The following EP400 variants were observed in gnomAD, a reference collection of about 807,000 sequenced individuals.
EP400 encodes E1A binding protein p400.
In EP400, 105 loss-of-function variants were observed where a neutral mutation model predicts 354.1. The ratio of observed to expected loss-of-function variants is 0.30; its 90% CI spans 0.25 to 0.35. The LOEUF (loss-of-function observed/expected upper bound fraction) is 0.35. Among genes scored for constraint, EP400 ranks in the 10% least tolerant of loss-of-function variants. The pLI is 1.00. For missense variants in EP400, 3,280 were observed against 4,121.0 expected (o/e 0.80, Z 5.59); for synonymous variants, 1,646 against 1,716.9 (o/e 0.96, Z 1.02).
At chr12:132,073,245 T>TATC (rs1896117784) in intron 51 of EP400, among the ~76,000 whole-genome samples, 1 of 109,870 alleles carries the variant, frequency 9.1e-6, no homozygotes. Context: ...TTTTTTTTTT[T>TATC]ATCAATTCTC....
At chr12:132,069,792 A>G in intron 51 of EP400, 151 bp downstream of exon 51, 2 of 1,225,336 alleles carry the variant, frequency 1.6e-6, no homozygotes, top group Non-Finnish European at 2.2e-6. Context: ...CTCAGGTTTC[A>G]ACCCCTCTGG....
At position 132,077,545 on chromosome 12, in the gene EP400, C is replaced by T. The variant is rs1441522216; in HGVS notation, c.9244C>T (p.Gln3082Ter). 1 of 1,613,902 alleles carries T rather than the reference C, an allele frequency of 6.2e-7. No homozygotes were observed. The highest frequency in any genetic ancestry group is 1.1e-5 in the South Asian group (1 of 91,086). The change falls in exon 53 of 53, where the codon CAG becomes TAG. Residue 3082 changes from glutamine to a stop codon, truncating the protein, a stop_gained. Coordinates refer to ENST00000389561, the MANE Select transcript of EP400 (RefSeq NM_015409.5). LOFTEE classifies it high-confidence loss of function. ...QVVTTASAPLQTPGAPNPAQV... is the reference protein window; with the variant it reads ...QVVTTASAPL Reference sequence around the variant, plus strand: ...GGTGACCACGGCGTCGGCCCCGCTCCAGACTCCAGGCGCTCCCAACCCAGC... The same window carrying T: ...GGTGACCACGGCGTCGGCCCCGCTCTAGACTCCAGGCGCTCCCAACCCAGC...
At chr12:132,002,843 T>G (rs1354427039) in intron 12 of EP400, among the ~76,000 whole-genome samples, 6 of 152,208 alleles carry the variant, frequency 3.9e-5, no homozygotes. Context: ...GGTGTCGAGC[T>G]GAATCCATGA....
rs1325573263 is a variant in EP400, at chr12:132,029,427, C to T, written c.5382-274C>T. ...AGAATGGCTTATCTCTGACCTGGTG[C>T]CTGCGGCCTAGGGAATCCACCCCCA... is the stretch of plus-strand genomic sequence containing the variant. On this transcript the variant is annotated intron_variant, in intron 27 of 52. Coordinates refer to ENST00000389561, the MANE Select transcript of EP400 (RefSeq NM_015409.5). The surrounding 1 kb of genome is among the most constrained non-coding windows in gnomAD (Gnocchi z 4.7). The T allele has an allele frequency of 9.6e-6, 5 of 521,138 alleles. No individual in the cohort carries two copies. Among genetic ancestry groups the T allele is most frequent in the Middle Eastern group, 9.9e-4 (2 of 2,024 alleles). The allele number at this position is 521,138 out of a possible 1,614,324, so 32.3% of individuals were successfully genotyped here.
In EP400 at chr12:132,076,580, C is replaced by G; in HGVS notation, c.9086C>G (p.Ser3029Cys). 1.2e-6 allele frequency: 2 copies of G among 1,612,380 alleles called. No individual in the cohort carries two copies. Among genetic ancestry groups the G allele is most frequent in the Non-Finnish European group, 1.7e-6 (2 of 1,178,588 alleles). Residue 3029 changes from serine to cysteine, a missense_variant, in exon 52 of 53, where the codon TCT becomes TGT. This residue lies in a region of EP400 where 279 missense variants were observed against 386.7 expected (regional missense o/e 0.72). Transcript: ENST00000389561. Reference protein sequence around the residue: ...TPVASIQQVASASQQASPQTV... With the variant: ...TPVASIQQVACASQQASPQTV... Reference sequence around the variant, plus strand: ...GTGGCCAGCATCCAGCAAGTTGCCTCTGCTTCCCAGCAGGTAGGACGCATA... The same window carrying G: ...GTGGCCAGCATCCAGCAAGTTGCCTGTGCTTCCCAGCAGGTAGGACGCATA...
chr12:131,995,041 T>C, intron 12 of EP400, 85 bp downstream of exon 12: 26 of 1,109,554 alleles, frequency 2.3e-5, no homozygotes, highest in Non-Finnish European at 2.8e-5. Context: ...ATATATTGAG[T>C]AACAACAGCA....
chr12:132,008,237 C>T (rs148070231), intron 15 of EP400, among the ~76,000 whole-genome samples: 225 of 152,276 alleles, frequency 1.5e-3, no homozygotes, highest in Non-Finnish European at 2.6e-3. Flanking sequence ...CGTGAGCCAC[C>T]GCACCCGGCC....
chr12:132,030,269 G>A (rs1337263191), intron 29 of EP400, 111 bp downstream of exon 29: 4 of 1,253,082 alleles, frequency 3.2e-6, no homozygotes, highest in Non-Finnish European at 3.3e-6. Flanking sequence ...AAAGGGGAGG[G>A]ACTTAATGAG....
chr12:131,993,041 AAC>A (rs1483621142), intron 11 of EP400, among the ~76,000 whole-genome samples: 1 of 152,248 alleles, frequency 6.6e-6, no homozygotes, highest in East Asian at 1.9e-4. Flanking sequence ...GAAACAAAAC[AAC>A]AGTGTGGCAG....
intron 45 of EP400, among the ~76,000 whole-genome samples, chr12:132,059,398 G>A (rs1473082364): frequency 6.6e-6 from 1 of 151,938 alleles, no homozygotes; most frequent in Non-Finnish European, 1.5e-5. Context: ...GAAACCACAG[G>A]GTAGTTTGCA....
Position 132,011,566 on chromosome 12 carries a change from C to A in EP400, c.3373C>A (p.Arg1125Ser). ...ACTCAAGTGGGAGCTTGAATTGAAA[C>A]GTTGGTGTCCCGGACTCAAAATCCT... The part of the protein sequence containing the change: ...NILKWELELK[R>S]WCPGLKILSY... The change falls in exon 16 of 53, where the codon CGT becomes AGT. Residue 1125 changes from arginine to serine, a missense_variant. Around this residue, in one of 20 missense-constraint regions of EP400, gnomAD observed 242 missense variants for 357.9 expected, o/e 0.68. Coordinates refer to ENST00000389561, the MANE Select transcript of EP400 (RefSeq NM_015409.5). 1.9e-6 allele frequency: 3 copies of A among 1,613,950 alleles called. No individual in the cohort carries two copies. In the South Asian group the frequency reaches 3.3e-5, roughly 18 times the overall value.
At chr12:131,987,385 A>G (rs141560437) in intron 6 of EP400, among the ~76,000 whole-genome samples, 2 of 152,280 alleles carry the variant, frequency 1.3e-5, no homozygotes, top group African/African-American at 2.4e-5. Flanking sequence ...CAGACATCCT[A>G]TGGTTTCCCA....
At chr12:131,977,593 G>A (rs1021930727) in intron 2 of EP400, among the ~76,000 whole-genome samples, 5 of 151,568 alleles carry the variant, frequency 3.3e-5, no homozygotes, top group South Asian at 2.1e-4. Flanking sequence ...ATTTAGAAAC[G>A]CACACACACA....
chr12:132,007,540 T>G (rs1893625814), intron 15 of EP400, among the ~76,000 whole-genome samples: 1 of 152,110 alleles, frequency 6.6e-6, no homozygotes, highest in African/African-American at 2.4e-5. Context: ...TCTCTTGGCT[T>G]TTGGGTCAAG....
intron 42 of EP400, 41 bp downstream of exon 42, chr12:132,053,265 G>A: frequency 6.2e-7 from 1 of 1,611,320 alleles, no homozygotes. Context: ...GGAAAATGTG[G>A]TGACTGTGAC....
intron 24 of EP400, among the ~76,000 whole-genome samples, chr12:132,024,340 TC>T (rs1894225256): frequency 6.6e-6 from 1 of 152,126 alleles, no homozygotes; most frequent in Admixed American, 6.5e-5. Flanking sequence ...GTCACTGCAC[TC>T]CAGCCTGGGT....
chr12:132,031,253 GT>G (rs781574143), intron 29 of EP400: 4 of 518,986 alleles, frequency 7.7e-6, no homozygotes, highest in South Asian at 5.6e-5. Flanking sequence ...GGGACTTTTT[GT>G]TGCCTGTAAA....
rs774940819 is a variant in EP400, at chr12:132,005,146, G to A, written c.2897G>A (p.Arg966Gln). Residue 966 changes from arginine (R) to glutamine (Q), a missense_variant, in exon 13 of 53, where the codon CGG (arginine) becomes CAG (glutamine). Arg to Gln is a conservative substitution (Grantham distance 43, BLOSUM62 1). Coordinates refer to ENST00000389561, the MANE Select transcript of EP400 (RefSeq NM_015409.5). Reference sequence around the variant, plus strand: ...TTCCTGCCGAGTTCTCAGTGGCCCCGGCCGAAGCCTGATGGGGAGGACACA... The same window carrying A: ...TTCCTGCCGAGTTCTCAGTGGCCCCAGCCGAAGCCTGATGGGGAGGACACA... The part of the protein sequence containing the change: ...GAFLPSSQWP[R>Q]PKPDGEDTSG... 28 of 1,585,288 alleles carry A rather than the reference G, an allele frequency of 1.8e-5. No homozygotes were observed. The highest frequency in any genetic ancestry group is 2.3e-5 in the South Asian group (2 of 86,374).
intron 1 of EP400, among the ~76,000 whole-genome samples, chr12:131,951,972 G>A (rs1321606380): frequency 6.6e-6 from 1 of 151,284 alleles, no homozygotes; most frequent in African/African-American, 2.4e-5. Flanking sequence ...TTTTAGTAGA[G>A]AGGGGGTTTC....
Sources: gnomAD v4.1 joint callset for allele counts (sites outside exome capture counted in the v4.1 genomes callset) on GRCh38, gnomAD v4.1.1 for gene constraint, gnomAD v4.1.1 regional missense constraint, Gnocchi (gnomAD v3.1) non-coding constraint, MANE v1.5 for transcripts, NCBI Gene and HGNC (gene_info 2026-07-23, HGNC 2026-07-21) for gene names.